The following ATP8A2 variants were observed in gnomAD, a reference collection of about 807,000 sequenced individuals.
The protein encoded by ATP8A2 is phospholipid-transporting ATPase IB.
Under a neutral mutation model 165.6 loss-of-function variants are expected in ATP8A2, and 100 were observed. That is an observed-to-expected ratio of 0.60 (90% CI 0.51 to 0.71). ATP8A2 has a LOEUF of 0.71. Ranked by LOEUF, ATP8A2 falls within the 30% of genes least tolerant of loss-of-function variation. The probability of loss-of-function intolerance (pLI) is 0.00; values close to 1 mark genes in which losing one functional copy is unlikely to be tolerated. For synonymous variants in ATP8A2, 543 were observed against 548.8 expected, an observed-to-expected ratio of 0.99 and a Z score of 0.15; for missense variants, 1,227 against 1,479.5, an observed-to-expected ratio of 0.83 and a Z score of 2.80.
chr13:25,961,422 C>T (rs1213324837), intron 33 of ATP8A2, among the ~76,000 whole-genome samples, 153 bp from the exon 34 acceptor site: 1 of 152,210 alleles, frequency 6.6e-6, no homozygotes, highest in Non-Finnish European at 1.5e-5. Context: ...CCATCCGTCC[C>T]CCTGATGGTC....
At chr13:25,962,582 T>C (rs545288456) in intron 34 of ATP8A2, among the ~76,000 whole-genome samples, 1 of 152,342 alleles carries the variant, frequency 6.6e-6, no homozygotes, top group Admixed American at 6.5e-5. Context: ...GACTGATTTT[T>C]GTTTTGGGTC....
chr13:25,795,751 C>A (rs1317210801), intron 27 of ATP8A2, among the ~76,000 whole-genome samples: 2 of 152,192 alleles, frequency 1.3e-5, no homozygotes, highest in African/African-American at 2.4e-5. Flanking sequence ...TATCTCAAAT[C>A]TCCCTTGCCC....
chr13:25,738,775 T>G (rs904902891), intron 25 of ATP8A2, among the ~76,000 whole-genome samples: 4 of 152,236 alleles, frequency 2.6e-5, no homozygotes, highest in Non-Finnish European at 5.9e-5. Flanking sequence ...AATACAAGAT[T>G]TATAGTTGTT....
intron 2 of ATP8A2, among the ~76,000 whole-genome samples, chr13:25,513,595 C>T (rs2037353035): frequency 6.6e-6 from 1 of 152,052 alleles, no homozygotes; most frequent in Admixed American, 6.5e-5. Context: ...CTTTGGGAGG[C>T]CAAGGCAGGC....
intron 33 of ATP8A2, among the ~76,000 whole-genome samples, chr13:25,896,048 ATCTTAGTTATTTCTTGCCT>A (rs1953535875): frequency 6.6e-6 from 1 of 151,870 alleles, no homozygotes; most frequent in African/African-American, 2.4e-5. Context: ...TTCTGCTCTG[ATCTTAGTTATTTCTTGCCT>A]TATGCTAGCT....
chr13:25,868,074 C>T (rs542982611), intron 33 of ATP8A2: 47 of 455,416 alleles, frequency 1.0e-4, no homozygotes, highest in African/African-American at 7.8e-4. Flanking sequence ...TGGGTAGCCC[C>T]GGCCAAGGAA....
chr13:25,980,883 T>TA (rs1956160296), intron 35 of ATP8A2, among the ~76,000 whole-genome samples: 1 of 152,138 alleles, frequency 6.6e-6, no homozygotes, highest in South Asian at 2.1e-4. Context: ...ACCTGGTTTC[T>TA]AAAAATAAAG....
At chr13:25,811,583 G>A (rs1369840917) in intron 27 of ATP8A2, among the ~76,000 whole-genome samples, 1 of 152,106 alleles carries the variant, frequency 6.6e-6, no homozygotes, top group East Asian at 1.9e-4. Flanking sequence ...AGGCGCAATG[G>A]CTCACACCTT....
rs116533493 is a variant in ATP8A2, at chr13:25,555,766, C to T, written c.1263+698C>T. Reference sequence around the variant, plus strand: ...AGCATAGTACCCAACAGTTTTTCAACGCTTTTCCCCAACCCCATCTAGTAG... The same window carrying T: ...AGCATAGTACCCAACAGTTTTTCAATGCTTTTCCCCAACCCCATCTAGTAG... On this transcript the variant is annotated intron_variant, in intron 13 of 36. Transcript: ENST00000381655. Among the ~76,000 whole-genome samples, 788 of 151,976 alleles carry T rather than the reference C, an allele frequency of 5.2e-3. 6 individuals are homozygous for T. Among genetic ancestry groups the T allele is most frequent in the African/African-American group, 0.018 (761 of 41,424 alleles).
chr13:25,607,220 G>A (rs1363542626), intron 24 of ATP8A2, among the ~76,000 whole-genome samples: 1 of 152,064 alleles, frequency 6.6e-6, no homozygotes, highest in African/African-American at 2.4e-5. Context: ...TCCACAAAAC[G>A]GGTCCCTGGT....
intron 25 of ATP8A2, among the ~76,000 whole-genome samples, chr13:25,704,098 A>C (rs1452471871): frequency 6.6e-6 from 1 of 152,224 alleles, no homozygotes; most frequent in Non-Finnish European, 1.5e-5. Context: ...AAGTTTTGTT[A>C]GTTTAAATGA....
chr13:25,673,523 A>G (rs1412920994), intron 24 of ATP8A2, among the ~76,000 whole-genome samples: 1 of 152,206 alleles, frequency 6.6e-6, no homozygotes, highest in African/African-American at 2.4e-5. Context: ...GGTACTGGAA[A>G]ATCATACAGC....
chr13:25,954,654 T>G (rs113141383), intron 33 of ATP8A2, among the ~76,000 whole-genome samples: 46 of 152,304 alleles, frequency 3.0e-4, no homozygotes, highest in African/African-American at 1.1e-3. Context: ...ATGAAGCTTC[T>G]GGAGGAAGGA....
At chr13:25,529,454 A>G (rs1213223622) in intron 2 of ATP8A2, among the ~76,000 whole-genome samples, 4 of 152,184 alleles carry the variant, frequency 2.6e-5, no homozygotes, top group Non-Finnish European at 5.9e-5. Flanking sequence ...GAGTGTCGTT[A>G]TAAATTTGAC....
At chr13:25,709,804 C>A (rs1460734498) in intron 25 of ATP8A2, among the ~76,000 whole-genome samples, 1 of 151,912 alleles carries the variant, frequency 6.6e-6, no homozygotes, top group Non-Finnish European at 1.5e-5. Flanking sequence ...TTAGCCTATG[C>A]CAATATAAAC....
chr13:25,892,425 A>C (rs1230284020), intron 33 of ATP8A2, among the ~76,000 whole-genome samples: 2 of 149,912 alleles, frequency 1.3e-5, no homozygotes, highest in South Asian at 4.2e-4. Context: ...AAAATAAGTT[A>C]AAAGGCAATG....
chr13:26,023,064 GA>G lies in ATP8A2; in HGVS notation c.*3083del. On this transcript the variant is annotated 3_prime_UTR_variant, in exon 37 of 37. Transcript: ENST00000381655. ...ACACGTGCCAGCAAGGGTAGCTGTG[GA>G]AAACACGTATCAGGAGAGCAGAGTA... is the stretch of plus-strand genomic sequence containing the variant. 1 of 152,310 alleles carries G rather than the reference GA, an allele frequency of 6.6e-6. No homozygotes were observed. Among genetic ancestry groups the G allele is most frequent in the Non-Finnish European group, 1.5e-5 (1 of 68,052 alleles). The allele number at this position is 152,310 out of a possible 1,614,324, so 9.4% of individuals were successfully genotyped here. A position where few individuals can be genotyped will look rare whatever the true frequency, so the allele number is the denominator to read the frequency against.
intron 14 of ATP8A2, 92 bp from the exon 15 acceptor site, chr13:25,559,629 A>G (rs2138106069): frequency 8.6e-6 from 8 of 929,408 alleles, no homozygotes; most frequent in South Asian, 2.7e-5. Context: ...GTAAGTTTGT[A>G]TATCTAATCT....
intron 25 of ATP8A2, among the ~76,000 whole-genome samples, chr13:25,765,944 C>T (rs1437149306): frequency 1.3e-5 from 2 of 152,186 alleles, no homozygotes; most frequent in Non-Finnish European, 2.9e-5. Flanking sequence ...AAGCCTTTGC[C>T]TGTGGGCTTC....
Sources: gnomAD v4.1 joint callset for allele counts (sites outside exome capture counted in the v4.1 genomes callset) on GRCh38, gnomAD v4.1.1 for gene constraint, MANE v1.5 for transcripts, NCBI Gene and HGNC (gene_info 2026-07-23, HGNC 2026-07-21) for gene names.